MARCHF1: variants seen among roughly 807,000 people sequenced by gnomAD.
MARCHF1 encodes E3 ubiquitin-protein ligase MARCHF1.
MARCHF1 carries 40 observed loss-of-function variants against 54.2 expected under a neutral mutation model. The observed-to-expected ratio is 0.74, with a 90% CI of 0.57 to 0.96. The LOEUF is 0.96. Ranked by LOEUF, MARCHF1 falls within the 40% of genes least tolerant of loss-of-function variation. The pLI, the probability that MARCHF1 is intolerant of heterozygous loss-of-function variation, is 0.00. For missense variants in MARCHF1, 586 were observed against 656.5 expected, an observed-to-expected ratio of 0.89 and a Z score of 1.17; for synonymous variants, 236 against 236.3, an observed-to-expected ratio of 1.00 and a Z score of 0.01.
At chr4:163,719,027 G>A (rs1745354215) in intron 4 of MARCHF1, among the ~76,000 whole-genome samples, 1 of 152,020 alleles carries the variant, frequency 6.6e-6, no homozygotes, top group African/African-American at 2.4e-5. Flanking sequence ...ATATCTTCAA[G>A]CTCATCTTTT....
intron 1 of MARCHF1, among the ~76,000 whole-genome samples, chr4:164,302,720 T>C (rs1445106808): frequency 1.3e-5 from 2 of 151,784 alleles, no homozygotes; most frequent in African/African-American, 4.8e-5. Flanking sequence ...TCTACAAAAA[T>C]TAGCTGGGCA....
intron 4 of MARCHF1, among the ~76,000 whole-genome samples, chr4:163,822,572 C>T (rs999192307): frequency 2.0e-5 from 3 of 151,678 alleles, no homozygotes; most frequent in Admixed American, 6.6e-5. Context: ...CTGTACTGCA[C>T]GTTAAACAAA....
chr4:163,688,002 A>G (rs1233139776), intron 5 of MARCHF1, among the ~76,000 whole-genome samples: 1 of 152,212 alleles, frequency 6.6e-6, no homozygotes, highest in Admixed American at 6.5e-5. Context: ...TTAATGTCTC[A>G]AAGTGGATTT....
intron 3 of MARCHF1, among the ~76,000 whole-genome samples, chr4:163,871,156 A>G (rs1052922190): frequency 3.9e-5 from 6 of 152,174 alleles, no homozygotes; most frequent in African/African-American, 1.4e-4. Flanking sequence ...AAACTAAGAT[A>G]AAAATAGCTA....
chr4:163,976,885 T>C (rs1394217824), intron 3 of MARCHF1, among the ~76,000 whole-genome samples: 1 of 152,144 alleles, frequency 6.6e-6, no homozygotes, highest in Non-Finnish European at 1.5e-5. Flanking sequence ...AGTAACAGAC[T>C]TGGAATTATA....
chr4:164,163,566 AAGAC>A (rs1311025110), intron 1 of MARCHF1, among the ~76,000 whole-genome samples: 1 of 152,014 alleles, frequency 6.6e-6, no homozygotes, highest in African/African-American at 2.4e-5. Context: ...TAATATAAAA[AAGAC>A]AGGACAAATT....
chr4:163,687,067 A>C (rs1178738949), intron 5 of MARCHF1, among the ~76,000 whole-genome samples: 1 of 152,148 alleles, frequency 6.6e-6, no homozygotes, highest in Non-Finnish European at 1.5e-5. Context: ...ACAAAGAGAA[A>C]TTTTTGTATT....
chr4:164,006,157 A>G (rs1049161550), intron 2 of MARCHF1, among the ~76,000 whole-genome samples: 4 of 152,222 alleles, frequency 2.6e-5, no homozygotes, highest in Non-Finnish European at 5.9e-5. Context: ...AATAAATTGT[A>G]AGTTCTCTGA....
intron 5 of MARCHF1, among the ~76,000 whole-genome samples, chr4:163,632,575 G>T (rs528652911): frequency 2.6e-5 from 4 of 152,162 alleles, no homozygotes; most frequent in Non-Finnish European, 4.4e-5. Flanking sequence ...ATTATATCCC[G>T]CACCTGGCTT....
chr4:164,316,758 A>G (rs1260039946), intron 1 of MARCHF1, among the ~76,000 whole-genome samples: 1 of 152,160 alleles, frequency 6.6e-6, no homozygotes, highest in East Asian at 1.9e-4. Context: ...GCTGGGTGGA[A>G]GGAGATTGGA....
At chr4:164,137,243 C>T (rs1483576349) in intron 1 of MARCHF1, among the ~76,000 whole-genome samples, 2 of 152,094 alleles carry the variant, frequency 1.3e-5, no homozygotes, top group Admixed American at 6.5e-5. Flanking sequence ...CATTTTCTAA[C>T]TTTAAAATTG....
chr4:163,963,561 T>C (rs1275962564), intron 3 of MARCHF1, among the ~76,000 whole-genome samples: 1 of 151,954 alleles, frequency 6.6e-6, no homozygotes, highest in African/African-American at 2.4e-5. Context: ...TGATGTGTAA[T>C]AGCTAGTCGT....
At chr4:164,197,309 G>A in intron 1 of MARCHF1, 1 of 1,612,064 alleles carries the variant, frequency 6.2e-7, no homozygotes, top group African/African-American at 1.3e-5. Flanking sequence ...AGTTGCAGGA[G>A]AAGCTTGAAC....
chr4:164,048,366 A>G (rs1579489440), intron 2 of MARCHF1, among the ~76,000 whole-genome samples: 1 of 152,308 alleles, frequency 6.6e-6, no homozygotes, highest in Non-Finnish European at 1.5e-5. Context: ...ATGTGAAAAT[A>G]AAATATAAAA....
chr4:163,792,435 TATGTTCAACAA>T (rs1284936968), intron 4 of MARCHF1, among the ~76,000 whole-genome samples: 3 of 152,156 alleles, frequency 2.0e-5, no homozygotes, highest in African/African-American at 7.2e-5. Context: ...GATAGCTCCT[TATGTTCAACAA>T]ATACTTGCTG....
intron 3 of MARCHF1, among the ~76,000 whole-genome samples, chr4:163,923,765 G>GC (rs1751479838): frequency 7.9e-6 from 1 of 126,208 alleles, no homozygotes; most frequent in Admixed American, 7.8e-5. Context: ...TGATAGAATT[G>GC]TAAAAAAAAA....
chr4:163,943,384 C>T (rs1354882085), intron 3 of MARCHF1, among the ~76,000 whole-genome samples: 2 of 152,018 alleles, frequency 1.3e-5, no homozygotes, highest in African/African-American at 4.8e-5. Context: ...ATGAAGGGGT[C>T]CAGTATCAGT....
intron 2 of MARCHF1, among the ~76,000 whole-genome samples, chr4:164,109,983 C>T (rs1489324248): frequency 7.1e-6 from 1 of 140,154 alleles, no homozygotes; most frequent in East Asian, 2.1e-4. Flanking sequence ...TCATATGCAA[C>T]ACCAGATCTC....
chr4:163,926,159 C>T (rs1751532428), intron 3 of MARCHF1, among the ~76,000 whole-genome samples: 1 of 151,658 alleles, frequency 6.6e-6, no homozygotes, highest in South Asian at 2.1e-4. Flanking sequence ...TAACAACCTC[C>T]TTTGTCCCAC....
Sources: gnomAD v4.1 joint callset for allele counts (sites outside exome capture counted in the v4.1 genomes callset) on GRCh38, gnomAD v4.1.1 for gene constraint, MANE v1.5 for transcripts, NCBI Gene and HGNC (gene_info 2026-07-23, HGNC 2026-07-21) for gene names.